The following PDPR variants were observed in gnomAD, a reference collection of about 807,000 sequenced individuals.
The protein encoded by PDPR is pyruvate dehydrogenase phosphatase regulatory subunit, also known as pyruvate dehydrogenase phosphatase regulatory subunit, mitochondrial.
PDPR carries 50 observed loss-of-function variants against 102.2 expected under a neutral mutation model. That is an observed-to-expected ratio of 0.49 (90% CI 0.39 to 0.62). PDPR has a LOEUF of 0.62. PDPR is among the 20% of genes least tolerant of loss of function. The pLI, the probability that PDPR is intolerant of heterozygous loss-of-function variation, is 0.00. For missense variants in PDPR, 625 were observed against 1,098.2 expected (o/e 0.57, Z 6.09); for synonymous variants, 259 against 406.0 (o/e 0.64, Z 4.35).
At chr16:70,135,873 G>A (rs1161963094) in intron 9 of PDPR, among the ~76,000 whole-genome samples, 1 of 152,226 alleles carries the variant, frequency 6.6e-6, no homozygotes, top group East Asian at 1.9e-4. Context: ...TTCGAAACTA[G>A]TGTGGCCATC....
intron 3 of PDPR, among the ~76,000 whole-genome samples, chr16:70,123,495 C>T (rs1963573626): frequency 6.6e-6 from 1 of 152,284 alleles, no homozygotes; most frequent in African/African-American, 2.4e-5. Context: ...ACCTCAACCT[C>T]CCAAAGTACT....
chr16:70,122,072 C>T (rs1416215658), intron 3 of PDPR, among the ~76,000 whole-genome samples: 4 of 152,324 alleles, frequency 2.6e-5, no homozygotes, highest in East Asian at 1.9e-4. Context: ...CTGCAACCTC[C>T]GCCTCCTGGG....
chr16:70,156,931 G>C lies in PDPR; in HGVS notation c.*52G>C. ...CCCATCATCTTGTCCTAGAGTGGGC[G>C]TCACCTTGGAGCTTCTCTTCCTTCC... is the stretch of plus-strand genomic sequence containing the variant. On this transcript the variant is annotated 3_prime_UTR_variant, in exon 19 of 19. Coordinates refer to ENST00000288050, the MANE Select transcript of PDPR (RefSeq NM_017990.5). The C allele has an allele frequency of 1.3e-6, 2 of 1,588,398 alleles. No individual in the cohort carries two copies. The highest frequency in any genetic ancestry group is 1.7e-6 in the Non-Finnish European group (2 of 1,165,886).
chr16:70,131,583 T>G (rs1199059751), intron 8 of PDPR, 164 bp downstream of exon 8: 1 of 781,628 alleles, frequency 1.3e-6, no homozygotes, highest in East Asian at 1.4e-4. Context: ...TTATTAACTC[T>G]TTATGAAAGG....
intron 15 of PDPR, chr16:70,145,658 A>T (rs1322389938): frequency 6.5e-6 from 3 of 458,600 alleles, no homozygotes; most frequent in African/African-American, 4.0e-5. Flanking sequence ...AACAAAAGTC[A>T]TGTTCTAGCC....
intron 7 of PDPR, 48 bp downstream of exon 7, chr16:70,130,592 GA>G: frequency 6.2e-7 from 1 of 1,610,600 alleles, no homozygotes; most frequent in East Asian, 2.2e-5. Context: ...TTGTCTCCAA[GA>G]TTTTTTTGGT....
Position 70,120,646 on chromosome 16 carries a change from A to T in PDPR, c.154A>T (p.Ile52Phe). 1.2e-6 allele frequency: 2 copies of T among 1,613,944 alleles called. No individual in the cohort carries two copies. Among genetic ancestry groups the T allele is most frequent in the Non-Finnish European group, 1.7e-6 (2 of 1,179,836 alleles). The change falls in exon 3 of 19, where the codon ATC becomes TTC. Residue 52 changes from isoleucine (I) to phenylalanine (F), a missense_variant. Physicochemically the swap from Ile to Phe is conservative, Grantham distance 21. Coordinates refer to ENST00000288050, the MANE Select transcript of PDPR (RefSeq NM_017990.5). ...QAQVVICGGG[I>F]TGTSVAYHLS... is the part of the protein sequence containing the mutation. Reference sequence around the variant, plus strand: ...ACAGGTGGTCATCTGTGGAGGTGGAATCACGGGCACTTCTGTGGCCTATCA... The same window carrying T: ...ACAGGTGGTCATCTGTGGAGGTGGATTCACGGGCACTTCTGTGGCCTATCA...
chr16:70,124,393 T>C (rs1476816096), intron 3 of PDPR, among the ~76,000 whole-genome samples: 1 of 152,258 alleles, frequency 6.6e-6, no homozygotes, highest in Non-Finnish European at 1.5e-5. Flanking sequence ...GCCTTATCCG[T>C]GGCTTGTGAA....
In PDPR at chr16:70,146,231, A is replaced by C; in HGVS notation, c.1962+3A>C. 1.9e-6 allele frequency: 3 copies of C among 1,600,418 alleles called. No homozygotes were observed. The highest frequency in any genetic ancestry group is 2.3e-5 in the East Asian group (1 of 44,182). ...ACTTCCCAAGCCTCTTTTGCAAGGT[A>C]AGTGCTGATAAAGTTCTGTTTCTTA... On this transcript the variant is annotated splice_donor_region_variant and intron_variant, in intron 16 of 18. Transcript: ENST00000288050.
chr16:70,118,278 A>T, intron 2 of PDPR, among the ~76,000 whole-genome samples: 1 of 152,202 alleles, frequency 6.6e-6, no homozygotes, highest in Non-Finnish European at 1.5e-5. Context: ...ATGGTTGCAG[A>T]TGCAAGTGGG....
chr16:70,138,554 A>G (rs992172256), intron 10 of PDPR, among the ~76,000 whole-genome samples: 2 of 150,908 alleles, frequency 1.3e-5, no homozygotes, highest in African/African-American at 2.4e-5. Context: ...GGGTCTTACT[A>G]TGTTGCCCAG....
chr16:70,155,970 G>C (rs939255084), intron 18 of PDPR, among the ~76,000 whole-genome samples: 1 of 152,138 alleles, frequency 6.6e-6, no homozygotes. Flanking sequence ...GCTCACTGCA[G>C]CCTCTGCCTC....
rs1269489160 is a variant in PDPR, at chr16:70,154,113, G to A, written c.2235+540G>A. ...AGAGGTTGCAGTGAGCCGAGATCAC[G>A]CCACTGCACTCCAGCCTGGGCGACA... On this transcript the variant is annotated intron_variant, in intron 18 of 18. Transcript: ENST00000288050. Among the ~76,000 whole-genome samples the A allele has an allele frequency of 5.3e-5, 8 of 152,178 alleles. No homozygotes were observed. In the East Asian group the frequency reaches 9.6e-4, roughly 18 times the overall value.
At position 70,158,991 on chromosome 16, in the gene PDPR, C is replaced by T. The variant is rs1192939653; in HGVS notation, c.*2112C>T. On this transcript the variant is annotated 3_prime_UTR_variant, in exon 19 of 19. Transcript: ENST00000288050. ...CTATGGCAATACATTTGTGCTTTAA[C>T]TGTTACATAGCAGTATCACCACTTA... 6.6e-6 allele frequency: 1 copy of T among 152,370 alleles called. No homozygotes were observed. Among genetic ancestry groups the T allele is most frequent in the Non-Finnish European group, 1.5e-5 (1 of 68,088 alleles). 9.4% of individuals were successfully genotyped at this position (152,370 alleles called of 1,614,324 possible).
chr16:70,121,477 A>T (rs1239454156), intron 3 of PDPR, among the ~76,000 whole-genome samples: 1 of 151,630 alleles, frequency 6.6e-6, no homozygotes, highest in Non-Finnish European at 1.5e-5. Context: ...AGATCACCTC[A>T]GGTCAGGAGT....
At chr16:70,153,352 A>G in intron 17 of PDPR, 39 bp from the exon 18 acceptor site, 1 of 1,582,080 alleles carries the variant, frequency 6.3e-7, no homozygotes, top group Non-Finnish European at 8.6e-7. Flanking sequence ...CTTAATTCTG[A>G]AGGTCTGCTG....
intron 18 of PDPR, 66 bp downstream of exon 18, chr16:70,153,639 G>A (rs969889309): frequency 7.5e-6 from 11 of 1,459,030 alleles, no homozygotes; most frequent in Middle Eastern, 1.9e-4. Flanking sequence ...ACTAGACTAG[G>A]AAGAAGAACT....
intron 4 of PDPR, 77 bp downstream of exon 4, chr16:70,127,470 C>T (rs1231326971): frequency 1.9e-6 from 3 of 1,569,814 alleles, no homozygotes; most frequent in African/African-American, 2.7e-5. Flanking sequence ...GGTCCTCTGC[C>T]AGGTGTGCCT....
intron 3 of PDPR, among the ~76,000 whole-genome samples, chr16:70,123,890 T>TA (rs1321602789): frequency 1.3e-5 from 2 of 152,122 alleles, no homozygotes; most frequent in Non-Finnish European, 2.9e-5. Flanking sequence ...CCGTCTCTAC[T>TA]AAAAAATACA....
Sources: gnomAD v4.1 joint callset for allele counts (sites outside exome capture counted in the v4.1 genomes callset) on GRCh38, gnomAD v4.1.1 for gene constraint, MANE v1.5 for transcripts, NCBI Gene and HGNC (gene_info 2026-07-23, HGNC 2026-07-21) for gene names.